Variants in RBM22 observed in about 807,000 individuals in gnomAD.
The protein encoded by RBM22 is RNA binding motif protein 22.
RBM22 carries 1 observed loss-of-function variant against 50.1 expected under a neutral mutation model. That is an observed-to-expected ratio of 0.02 (90% CI 0.01 to 0.09). The LOEUF (loss-of-function observed/expected upper bound fraction) is 0.09. Among genes scored for constraint, RBM22 ranks in the 10% least tolerant of loss-of-function variants. RBM22 has a pLI of 1.00. For missense variants in RBM22, 264 were observed against 529.3 expected, an observed-to-expected ratio of 0.50 and a Z score of 4.92; for synonymous variants, 152 against 179.0, an observed-to-expected ratio of 0.85 and a Z score of 1.20.
intron 8 of RBM22, 33 bp from the exon 9 acceptor site, chr5:150,693,340 T>G: frequency 6.5e-7 from 1 of 1,538,186 alleles, no homozygotes; most frequent in Non-Finnish European, 8.9e-7. Context: ...GTCGGCACTC[T>G]GGCCCACCTT....
chr5:150,698,488 G>A lies in RBM22; in HGVS notation c.271+11C>T. The A allele has an allele frequency of 6.2e-7, 1 of 1,613,586 alleles. No individual in the cohort carries two copies. The highest frequency in any genetic ancestry group is 8.5e-7 in the Non-Finnish European group (1 of 1,179,756). On this transcript the variant is annotated intron_variant, in intron 4 of 10. Coordinates refer to ENST00000199814, the MANE Select transcript of RBM22 (RefSeq NM_018047.3). ...GCACACTTTCAGATTTATTGGACAG[G>A]TCAAACATACCATACTCTAGGTCTA...
chr5:150,699,081 A>G (rs975102367), intron 3 of RBM22, among the ~76,000 whole-genome samples, 161 bp downstream of exon 3: 14 of 152,184 alleles, frequency 9.2e-5, no homozygotes, highest in African/African-American at 3.4e-4. Flanking sequence ...CTTACCTCCC[A>G]CATAAACAGT....
At chr5:150,699,940 T>C (rs1460674402) in intron 2 of RBM22, among the ~76,000 whole-genome samples, 1 of 152,240 alleles carries the variant, frequency 6.6e-6, no homozygotes, top group Non-Finnish European at 1.5e-5. Context: ...CCTCTACGAC[T>C]ACACAATAAT....
At chr5:150,697,013 C>G in intron 4 of RBM22, 122 bp from the exon 5 acceptor site, 1 of 923,342 alleles carries the variant, frequency 1.1e-6, no homozygotes, top group Admixed American at 2.4e-5. Context: ...AGAGACTTTA[C>G]TATGTTTTTA....
At position 150,695,488 on chromosome 5, in the gene RBM22, T is replaced by C. The variant is rs774513442; in HGVS notation, c.746+18A>G. 9.4e-6 allele frequency: 15 copies of C among 1,591,686 alleles called. No individual in the cohort carries two copies. Among genetic ancestry groups the C allele is most frequent in the Non-Finnish European group, 1.2e-5 (14 of 1,163,110 alleles). On this transcript the variant is annotated intron_variant, in intron 7 of 10. Coordinates refer to ENST00000199814, the MANE Select transcript of RBM22 (RefSeq NM_018047.3). ...GCAGTTAAAGGCAAAAATAACTCTCTAACTTATACCCACAAACCTTAAATC... is the reference window on the plus strand; with the variant it reads ...GCAGTTAAAGGCAAAAATAACTCTCCAACTTATACCCACAAACCTTAAATC...
chr5:150,692,023 T>A, intron 10 of RBM22, 142 bp from the exon 11 acceptor site: 1 of 963,682 alleles, frequency 1.0e-6, no homozygotes, highest in Non-Finnish European at 1.4e-6. Context: ...TTCACAAACT[T>A]ACTTCCACTT....
chr5:150,698,575 G>A lies in RBM22; in HGVS notation c.195C>T (p.Phe65=), dbSNP rs571278896. 4 of 1,614,132 alleles carry A rather than the reference G, an allele frequency of 2.5e-6. No individual in the cohort carries two copies. In the South Asian group the frequency reaches 4.4e-5, roughly 18 times the overall value. ...FRWCPGVRMR[F]KKTEVCQTCS... ...AGGTTTGGCACACTTCAGTCTTCTT[G>A]AAACGCATGCGGACTCCAGGGCACC... The change falls in exon 4 of 11, where the codon TTC becomes TTT. Residue 65 remains phenylalanine (F), a synonymous_variant. Transcript: ENST00000199814.
Position 150,693,259 on chromosome 5 carries a change from G to A in RBM22, c.960C>T (p.Asp320=), listed in dbSNP as rs116468833. 1.1e-3 allele frequency: 1,817 copies of A among 1,614,056 alleles called. 22 individuals are homozygous for A. The African/African-American group carries it at 0.021, about 18-fold the overall frequency. The change falls in exon 9 of 11, where the codon GAC becomes GAT. Residue 320 remains aspartate (D), a synonymous_variant. Coordinates refer to ENST00000199814, the MANE Select transcript of RBM22 (RefSeq NM_018047.3). ...GKEKEKDGTT[D]SGIKLEPVPG... ...GAACAGGTTCTAGTTTGATCCCAGAGTCTGTAGTTCCATCTTTCTCTTTTT... is the reference window on the plus strand; with the variant it reads ...GAACAGGTTCTAGTTTGATCCCAGAATCTGTAGTTCCATCTTTCTCTTTTT...
At chr5:150,698,458 C>A in intron 4 of RBM22, 41 bp downstream of exon 4, 1 of 1,601,866 alleles carries the variant, frequency 6.2e-7, no homozygotes, top group Non-Finnish European at 8.5e-7. Flanking sequence ...TAGTTTTAGG[C>A]ACCTGCACAC....
intron 7 of RBM22, chr5:150,694,476 T>TC: frequency 3.5e-6 from 2 of 574,294 alleles, no homozygotes; most frequent in Non-Finnish European, 5.3e-6. Flanking sequence ...CAGGGTTTTT[T>TC]CCCATGGAGG....
intron 3 of RBM22, 120 bp from the exon 4 acceptor site, chr5:150,698,751 A>G (rs746215480): frequency 1.3e-4 from 163 of 1,266,554 alleles, no homozygotes; most frequent in Admixed American, 3.7e-4. Flanking sequence ...AAGAGACCTT[A>G]GCAATCATCT....
rs867598717 is a variant in RBM22, at chr5:150,696,475, C to T, written c.545+58G>A. ...AGAAACAGTTTAAGTTAGGACCTCC[C>T]ACTTCTTAGATGAGAAATCATCTGA... On this transcript the variant is annotated intron_variant, in intron 6 of 10. Coordinates refer to ENST00000199814, the MANE Select transcript of RBM22 (RefSeq NM_018047.3). This position sits in a 1 kb window ranked among gnomAD's most constrained non-coding sequence, Gnocchi z 4.3. 2.5e-5 allele frequency: 38 copies of T among 1,529,884 alleles called. No homozygotes were observed. Among genetic ancestry groups the T allele is most frequent in the Non-Finnish European group, 3.4e-5 (38 of 1,119,728 alleles). 94.8% of individuals were successfully genotyped at this position (1,529,884 alleles called of 1,614,324 possible).
At position 150,700,624 on chromosome 5, in the gene RBM22, A is replaced by C. The variant is rs1363533795; in HGVS notation, c.55-127T>G. The C allele has an allele frequency of 5.2e-6, 8 of 1,547,362 alleles. No homozygotes were observed. The South Asian group carries it at 9.5e-5, about 18-fold the overall frequency. ...TAGGCACGGCAGGAACCCGAAGTCC[A>C]TCACGACCCGATCGCGGGAGGGGGC... is the stretch of plus-strand genomic sequence containing the variant. On this transcript the variant is annotated intron_variant, in intron 1 of 10. Coordinates refer to ENST00000199814, the MANE Select transcript of RBM22 (RefSeq NM_018047.3).
rs984969172 is a variant in RBM22 at position 150,691,571 on chromosome 5, G to C, written c.*180C>G. 6 of 682,488 alleles carry C rather than the reference G, an allele frequency of 8.8e-6. No individual in the cohort carries two copies. Among genetic ancestry groups the C allele is most frequent in the African/African-American group, 1.8e-5 (1 of 54,482 alleles). 42.3% of individuals were successfully genotyped at this position (682,488 alleles called of 1,614,324 possible). ...GATGTGTTAATGGCAGCTTATTTAC[G>C]GTCCATCGATCCTTTGAACAAGTAT... On this transcript the variant is annotated 3_prime_UTR_variant, in exon 11 of 11. Coordinates refer to ENST00000199814, the MANE Select transcript of RBM22 (RefSeq NM_018047.3).
intron 2 of RBM22, 143 bp from the exon 3 acceptor site, chr5:150,699,414 C>G: frequency 1.8e-6 from 2 of 1,136,928 alleles, no homozygotes; most frequent in Non-Finnish European, 2.4e-6. Context: ...CAACAAAACC[C>G]AAAACCCAAC....
chr5:150,697,643 A>G lies in RBM22; in HGVS notation c.272-752T>C, dbSNP rs1759294091. Reference sequence around the variant, plus strand: ...AGGACCAGACGCCTCCTTAACAAACATATAAATAATATTACATAAAATGTG... The same window carrying G: ...AGGACCAGACGCCTCCTTAACAAACGTATAAATAATATTACATAAAATGTG... On this transcript the variant is annotated intron_variant, in intron 4 of 10. Transcript: ENST00000199814. 2.3e-5 allele frequency: 5 copies of G among 216,604 alleles called. No individual in the cohort carries two copies. The Admixed American group carries it at 2.5e-4, about 11-fold the overall frequency. 13.4% of individuals were successfully genotyped at this position (216,604 alleles called of 1,614,324 possible).
In RBM22 at chr5:150,691,812, T is replaced by A. The variant is rs1389194112; in HGVS notation, c.1202A>T (p.His401Leu). 6.2e-7 allele frequency: 1 copy of A among 1,600,850 alleles called. No individual in the cohort carries two copies. The highest frequency in any genetic ancestry group is 2.3e-5 in the East Asian group (1 of 44,290). The change falls in exon 11 of 11, where the codon CAC becomes CTC. Residue 401 changes from histidine (H) to leucine (L), a missense_variant. This residue lies in a region of RBM22 where 106 missense variants were observed against 137.1 expected (regional missense o/e 0.77). Transcript: ENST00000199814. ...CCTCTGAGGGTCCTGAGAAGGATAGTGGATTGGTCCTGGAGCCCGCATGAA... is the reference window on the plus strand; with the variant it reads ...CCTCTGAGGGTCCTGAGAAGGATAGAGGATTGGTCCTGGAGCCCGCATGAA... ...PPFMRAPGPI[H>L]YPSQDPQRMG...
Position 150,699,320 on chromosome 5 carries a change from A to G in RBM22, c.109-49T>C, listed in dbSNP as rs59973535. On this transcript the variant is annotated intron_variant, in intron 2 of 10. Transcript: ENST00000199814. ...AGAACTGGAGTTACAGAAAGAAAAA[A>G]GCCAGATGTCTACTCTTTCCTTAAA... 884 of 1,531,586 alleles carry G rather than the reference A, an allele frequency of 5.8e-4. 6 individuals are homozygous for G. The African/African-American group carries it at 0.01, about 18-fold the overall frequency. The allele number at this position is 1,531,586 out of a possible 1,614,324, so 94.9% of individuals were successfully genotyped here.
chr5:150,691,662 C>A lies in RBM22; in HGVS notation c.*89G>T. On this transcript the variant is annotated 3_prime_UTR_variant, in exon 11 of 11. Transcript: ENST00000199814. Reference sequence around the variant, plus strand: ...GCACATTCAGCTACCATGGAAACTACAAGGGAAGGAAAAATATATTTATTC... The same window carrying A: ...GCACATTCAGCTACCATGGAAACTAAAAGGGAAGGAAAAATATATTTATTC... 1.5e-6 allele frequency: 2 copies of A among 1,365,530 alleles called. No homozygotes were observed. The highest frequency in any genetic ancestry group is 1.9e-5 in the South Asian group (1 of 52,464). 84.6% of individuals were successfully genotyped at this position (1,365,530 alleles called of 1,614,324 possible).
Sources: allele counts gnomAD v4.1 joint callset (sites outside exome capture counted in the v4.1 genomes callset), GRCh38; gene constraint gnomAD v4.1.1; regional missense constraint gnomAD v4.1.1; non-coding constraint Gnocchi (gnomAD v3.1); transcripts MANE v1.5; gene names NCBI Gene and HGNC (gene_info 2026-07-23, HGNC 2026-07-21).